Variants in TM9SF3 observed in about 807,000 individuals in gnomAD.
TM9SF3 encodes SM-11044-binding protein.
TM9SF3 carries 14 observed loss-of-function variants against 78.6 expected under a neutral mutation model. The observed-to-expected ratio is 0.18, with a 90% CI of 0.12 to 0.28. TM9SF3 has a LOEUF of 0.28. TM9SF3 is among the 10% of genes least tolerant of loss of function. TM9SF3 has a pLI of 1.00. For missense variants in TM9SF3, 496 were observed against 721.9 expected (o/e 0.69, Z 3.59); for synonymous variants, 231 against 241.7 (o/e 0.96, Z 0.41).
chr10:96,576,584 C>A (rs61858555), intron 2 of TM9SF3, 50 bp downstream of exon 2: 203,612 of 1,484,476 alleles, frequency 0.14, 14,765 homozygotes, highest in Non-Finnish European at 0.15. Flanking sequence ...AATATGAAAC[C>A]CTTGTCTACA....
rs1197744912 is a variant in TM9SF3 at position 96,528,445 on chromosome 10, A to G, written c.1395-268T>C. ...AACTGAATAAAACAGAAGCTTCAAGAAGTATAATGTAGAAAAGAACAAATG... is the reference window on the plus strand; with the variant it reads ...AACTGAATAAAACAGAAGCTTCAAGGAGTATAATGTAGAAAAGAACAAATG... On this transcript the variant is annotated intron_variant, in intron 11 of 14. Transcript: ENST00000371142. Among the ~76,000 whole-genome samples, 3 of 152,272 alleles carry G rather than the reference A, an allele frequency of 2.0e-5. No individual in the cohort carries two copies. In the East Asian group the frequency reaches 5.8e-4, roughly 29 times the overall value.
intron 10 of TM9SF3, 21 bp downstream of exon 10, chr10:96,533,030 A>T (rs761333719): frequency 3.1e-6 from 5 of 1,612,754 alleles, no homozygotes; most frequent in Non-Finnish European, 4.2e-6. Flanking sequence ...ACAATCGCAT[A>T]AGATTTAGCA....
intron 2 of TM9SF3, among the ~76,000 whole-genome samples, chr10:96,574,740 G>A (rs1848477511): frequency 6.6e-6 from 1 of 152,186 alleles, no homozygotes; most frequent in African/African-American, 2.4e-5. Context: ...ATACTATGCA[G>A]CCACAGAAAA....
In TM9SF3 at chr10:96,542,412, A is replaced by G. The variant is rs528882742; in HGVS notation, c.1185+1664T>C. ...ATAAACCTTCTCTGGCTCAGCACAGACTTTAAATATTATATTCTAATAATT... is the reference window on the plus strand; with the variant it reads ...ATAAACCTTCTCTGGCTCAGCACAGGCTTTAAATATTATATTCTAATAATT... On this transcript the variant is annotated intron_variant, in intron 9 of 14. Transcript: ENST00000371142. 3.9e-4 allele frequency among the ~76,000 whole-genome samples: 59 copies of G among 152,298 alleles called. 1 individual carries two copies. The East Asian group carries it at 0.011, about 28-fold the overall frequency.
intron 9 of TM9SF3, 104 bp from the exon 10 acceptor site, chr10:96,533,294 G>A: frequency 7.2e-7 from 1 of 1,380,024 alleles, no homozygotes; most frequent in Non-Finnish European, 9.7e-7. Flanking sequence ...AAAAGAAAAT[G>A]TTTAAGTTCA....
intron 8 of TM9SF3, among the ~76,000 whole-genome samples, chr10:96,545,899 CAA>C (rs1848092223): frequency 1.0e-5 from 1 of 96,722 alleles, no homozygotes; most frequent in Non-Finnish European, 2.1e-5. Flanking sequence ...CAAAATCAAT[CAA>C]TCAATCAATC....
intron 9 of TM9SF3, among the ~76,000 whole-genome samples, chr10:96,538,541 A>G (rs1847985486): frequency 6.6e-6 from 1 of 152,180 alleles, no homozygotes; most frequent in Non-Finnish European, 1.5e-5. Context: ...AGTAAATTAG[A>G]CTTTAAAATT....
chr10:96,568,867 T>C (rs1471754674), intron 2 of TM9SF3, among the ~76,000 whole-genome samples: 1 of 152,076 alleles, frequency 6.6e-6, no homozygotes, highest in Non-Finnish European at 1.5e-5. Context: ...ACAGCATCTA[T>C]GCTATCTCCT....
intron 2 of TM9SF3, among the ~76,000 whole-genome samples, chr10:96,568,765 T>C (rs886980256): frequency 6.6e-6 from 1 of 152,012 alleles, no homozygotes; most frequent in African/African-American, 2.4e-5. Context: ...GGCAGAAAGG[T>C]GAGGTTTATT....
chr10:96,544,231 G>GT, intron 8 of TM9SF3, 25 bp from the exon 9 acceptor site: 9 of 1,534,562 alleles, frequency 5.9e-6, no homozygotes, highest in Non-Finnish European at 7.9e-6. Flanking sequence ...AACTATGAAA[G>GT]TTTAATATAA....
At chr10:96,543,220 T>C (rs1848054851) in intron 9 of TM9SF3, among the ~76,000 whole-genome samples, 1 of 152,216 alleles carries the variant, frequency 6.6e-6, no homozygotes, top group Non-Finnish European at 1.5e-5. Flanking sequence ...ATTTTATGTG[T>C]TCTAGTTTTA....
Position 96,569,694 on chromosome 10 carries a change from A to G in TM9SF3, c.299-4268T>C, listed in dbSNP as rs576924095. On this transcript the variant is annotated intron_variant, in intron 2 of 14. Coordinates refer to ENST00000371142, the MANE Select transcript of TM9SF3 (RefSeq NM_020123.4). ...CTTATGTGCAATAGCAGAAAAAGAAAACCAAAGAAGGATGGAAGGAAGGAT... is the reference window on the plus strand; with the variant it reads ...CTTATGTGCAATAGCAGAAAAAGAAGACCAAAGAAGGATGGAAGGAAGGAT... Among the ~76,000 whole-genome samples the G allele has an allele frequency of 2.6e-5, 4 of 152,324 alleles. No individual in the cohort carries two copies. In the South Asian group the frequency reaches 8.3e-4, roughly 32 times the overall value.
At chr10:96,553,638 C>T (rs553167418) in intron 5 of TM9SF3, among the ~76,000 whole-genome samples, 33 of 152,290 alleles carry the variant, frequency 2.2e-4, no homozygotes, top group African/African-American at 7.2e-4. Flanking sequence ...GAATGATTTG[C>T]TTCACTTGCT....
Position 96,551,418 on chromosome 10 carries a change from A to G in TM9SF3, c.793-7T>C. ...CATCTCCTAGGTCTCTATCCTATAT[A>G]CAAATATATATATAGAGAGAGAAAA... is the stretch of plus-strand genomic sequence containing the variant. On this transcript the variant is annotated splice_region_variant and splice_polypyrimidine_tract_variant and intron_variant, in intron 6 of 14. Coordinates refer to ENST00000371142, the MANE Select transcript of TM9SF3 (RefSeq NM_020123.4). 6.4e-7 allele frequency: 1 copy of G among 1,569,826 alleles called. No individual in the cohort carries two copies.
chr10:96,520,866 G>GTC lies in TM9SF3; in HGVS notation c.*1395_*1396dup. 1 of 396,800 alleles carries GTC rather than the reference G, an allele frequency of 2.5e-6. No individual in the cohort carries two copies. Among genetic ancestry groups the GTC allele is most frequent in the Non-Finnish European group, 4.5e-6 (1 of 224,620 alleles). 24.6% of individuals were successfully genotyped at this position (396,800 alleles called of 1,614,324 possible). A position where few individuals can be genotyped will look rare whatever the true frequency, so the allele number is the denominator to read the frequency against. On this transcript the variant is annotated 3_prime_UTR_variant, in exon 15 of 15. Transcript: ENST00000371142. ...CAAGTCTGGAGATTTTAAAATACGG[G>GTC]TCCCCTGTATGAGAGTAGCATAGTT...
At chr10:96,535,267 T>TTA (rs1847944213) in intron 9 of TM9SF3, among the ~76,000 whole-genome samples, 2 of 152,188 alleles carry the variant, frequency 1.3e-5, no homozygotes, top group Admixed American at 1.3e-4. Flanking sequence ...CCCTACTCCT[T>TTA]TATGTTCAAG....
intron 2 of TM9SF3, 141 bp from the exon 3 acceptor site, chr10:96,565,567 G>T: frequency 1.1e-6 from 1 of 916,076 alleles, no homozygotes; most frequent in East Asian, 3.0e-5. Flanking sequence ...ATAAATAAGT[G>T]TGGGTTCAGT....
intron 5 of TM9SF3, among the ~76,000 whole-genome samples, 197 bp from the exon 6 acceptor site, chr10:96,553,256 G>A (rs1477256639): frequency 6.6e-6 from 1 of 152,014 alleles, no homozygotes; most frequent in Admixed American, 6.6e-5. Context: ...TTTACAATAA[G>A]CACCCATATG....
At chr10:96,529,125 T>C (rs1466941956) in intron 11 of TM9SF3, among the ~76,000 whole-genome samples, 1 of 152,118 alleles carries the variant, frequency 6.6e-6, no homozygotes, top group Non-Finnish European at 1.5e-5. Context: ...CAAGTCTGAA[T>C]AAAGGCACAA....
Sources: allele counts gnomAD v4.1 joint callset (sites outside exome capture counted in the v4.1 genomes callset), GRCh38; gene constraint gnomAD v4.1.1; transcripts MANE v1.5; gene names NCBI Gene and HGNC (gene_info 2026-07-23, HGNC 2026-07-21).